EPPK1: variants seen among roughly 807,000 people sequenced by gnomAD.
The protein encoded by EPPK1 is epiplakin.
For missense variants in EPPK1, 3,823 were observed against 3,673.3 expected (o/e 1.04, Z -1.05); for synonymous variants, 1,862 against 1,721.2 (o/e 1.08, Z -2.03).
Position 143,872,967 on chromosome 8 carries a change from G to C in EPPK1, c.287C>G (p.Ser96Cys). 6.2e-7 allele frequency: 1 copy of C among 1,600,676 alleles called. No homozygotes were observed. The highest frequency in any genetic ancestry group is 1.1e-5 in the South Asian group (1 of 90,214). Residue 96 changes from serine to cysteine, a missense_variant, in exon 2 of 2, where the codon TCC becomes TGC. Physicochemically the swap from Ser to Cys is moderately radical, Grantham distance 112 (BLOSUM62 -1). Transcript: ENST00000615648. Reference protein sequence around the residue: ...DLARGQLLPVSKALQQGLVGL... With the variant: ...DLARGQLLPVCKALQQGLVGL... The stretch of plus-strand genomic sequence containing the variant: ...CACCAGACCCTGCTGCAGGGCCTTG[G>C]ACACAGGGAGCAGCTGGCCCCGGGC...
At position 143,870,114 on chromosome 8, in the gene EPPK1, C is replaced by T; in HGVS notation, c.3140G>A (p.Gly1047Glu). 1 of 1,611,112 alleles carries T rather than the reference C, an allele frequency of 6.2e-7. No individual in the cohort carries two copies. The highest frequency in any genetic ancestry group is 8.5e-7 in the Non-Finnish European group (1 of 1,179,172). The change falls in exon 2 of 2, where the codon GGA becomes GAA. Residue 1047 changes from glycine (G) to glutamate (E), a missense_variant. By Grantham distance (98) the Gly-to-Glu change is moderately conservative. Coordinates refer to ENST00000615648, the MANE Select transcript of EPPK1 (RefSeq NM_031308.4). This position sits in a 1 kb window ranked among gnomAD's most constrained non-coding sequence, Gnocchi z 5.2. ...GTGGCTGGTGGGGTCAATGATCCCT[C>T]CTGTGGCCACTTGAGCCTCCAGGAG... is the stretch of plus-strand genomic sequence containing the variant. ...ARLLEAQVAT[G>E]GIIDPTSHHH...
rs1037437050 is a variant in EPPK1 at position 143,868,348 on chromosome 8, T to C, written c.4906A>G (p.Lys1636Glu). Residue 1636 changes from lysine to glutamate, a missense_variant, in exon 2 of 2, where the codon AAA (lysine) becomes GAA (glutamate). Transcript: ENST00000615648. ...EEAFKAGMFG[K>E]ETYVKLLSAE... ...GACAGCAGCTTCACGTAGGTTTCTT[T>C]CCCGAACATTCCTGCTTTGAACGCC... 3 of 1,612,856 alleles carry C rather than the reference T, an allele frequency of 1.9e-6. No individual in the cohort carries two copies. The African/African-American group carries it at 4.0e-5, about 22-fold the overall frequency.
chr8:143,878,357 C>CCCGCACCCGCACCCG (rs1563891931), intron 1 of EPPK1, 81 bp downstream of exon 1: 53 of 140,180 alleles, frequency 3.8e-4, no homozygotes, highest in African/African-American at 1.3e-3. Flanking sequence ...CGAGCCCGCA[C>CCCGCACCCGCACCCG]CCGCACCCGC....
chr8:143,873,156 C>T lies in EPPK1; in HGVS notation c.98G>A (p.Gly33Asp). 2 of 1,590,628 alleles carry T rather than the reference C, an allele frequency of 1.3e-6. No individual in the cohort carries two copies. Residue 33 changes from glycine to aspartate, a missense_variant, in exon 2 of 2, where the codon GGC (glycine) becomes GAC (aspartate). Coordinates refer to ENST00000615648, the MANE Select transcript of EPPK1 (RefSeq NM_031308.4). ...CCTGGCCTGGGGCCTGGGGGGCGTG[C>T]CGGCTCCCAGCGTGGCTGCCATGGC... ...PRAMAATLGA[G>D]TPPRPQARSI...
chr8:143,868,241 G>A lies in EPPK1; in HGVS notation c.5013C>T (p.Leu1671=). The change falls in exon 2 of 2, where the codon CTC becomes CTT. Residue 1671 remains leucine, a synonymous_variant. Coordinates refer to ENST00000615648, the MANE Select transcript of EPPK1 (RefSeq NM_031308.4). ...GGCGGATGCCGTGCTCCCGGACGAT[G>A]AGGTCCTTCTGCATGGCCTGGAAGA... ...ISLFQAMQKD[L]IVREHGIRLL... 1 of 1,613,218 alleles carries A rather than the reference G, an allele frequency of 6.2e-7. No individual in the cohort carries two copies. Among genetic ancestry groups the A allele is most frequent in the Non-Finnish European group, 8.5e-7 (1 of 1,180,042 alleles).
In EPPK1 at chr8:143,869,058, T is replaced by C. The variant is rs369246739; in HGVS notation, c.4196A>G (p.Asp1399Gly). 12 of 1,609,036 alleles carry C rather than the reference T, an allele frequency of 7.5e-6. No homozygotes were observed. The highest frequency in any genetic ancestry group is 1.3e-5 in the African/African-American group (1 of 74,942). The change falls in exon 2 of 2, where the codon GAC becomes GGC. Residue 1399 changes from aspartate to glycine, a missense_variant. Physicochemically the swap from Asp to Gly is moderately conservative, Grantham distance 94. Transcript: ENST00000615648. ...TSQVLTAVDK[D>G]NKFFFDPSAR... The stretch of plus-strand genomic sequence containing the variant: ...ACTGGGGTCAAAGAAGAACTTGTTG[T>C]CCTTGTCAACTGCAGTCAGCACCTG...
Position 143,870,504 on chromosome 8 carries a change from A to G in EPPK1, c.2750T>C (p.Leu917Pro). 6.2e-7 allele frequency: 1 copy of G among 1,607,278 alleles called. No homozygotes were observed. Among genetic ancestry groups the G allele is most frequent in the Non-Finnish European group, 8.5e-7 (1 of 1,176,780 alleles). The change falls in exon 2 of 2, where the codon CTA (leucine) becomes CCA (proline). Residue 917 changes from leucine (L) to proline (P), a missense_variant. Transcript: ENST00000615648. This position sits in a 1 kb window ranked among gnomAD's most constrained non-coding sequence, Gnocchi z 5.2. Reference protein sequence around the residue: ...LAGTISPEALLLMDGVRRYLC... With the variant: ...LAGTISPEALPLMDGVRRYLC... Reference sequence around the variant, plus strand: ...GTACCTGCGGACGCCGTCCATGAGTAGGAGGGCCTCCGGGCTGATTGTCCC... The same window carrying G: ...GTACCTGCGGACGCCGTCCATGAGTGGGAGGGCCTCCGGGCTGATTGTCCC...
Position 143,872,174 on chromosome 8 carries a change from C to T in EPPK1, c.1080G>A (p.Glu360=), listed in dbSNP as rs782229076. Residue 360 remains glutamate (E), a synonymous_variant, in exon 2 of 2, where the codon GAG becomes GAA. Transcript: ENST00000615648. ...PELHEQLLVA[E]QAVTGHHDPF... Reference sequence around the variant, plus strand: ...GGTCGTGGTGCCCTGTCACGGCCTGCTCGGCCACCAGGAGCTGCTCATGGA... The same window carrying T: ...GGTCGTGGTGCCCTGTCACGGCCTGTTCGGCCACCAGGAGCTGCTCATGGA... 1 of 1,591,944 alleles carries T rather than the reference C, an allele frequency of 6.3e-7. No individual in the cohort carries two copies. The highest frequency in any genetic ancestry group is 2.2e-5 in the East Asian group (1 of 44,584).
chr8:143,870,513 T>G lies in EPPK1; in HGVS notation c.2741A>C (p.Glu914Ala). The change falls in exon 2 of 2, where the codon GAG (glutamate) becomes GCG (alanine). Residue 914 changes from glutamate to alanine, a missense_variant. By Grantham distance (107) the Glu-to-Ala change is moderately radical (BLOSUM62 -1). Coordinates refer to ENST00000615648, the MANE Select transcript of EPPK1 (RefSeq NM_031308.4). This position sits in a 1 kb window ranked among gnomAD's most constrained non-coding sequence, Gnocchi z 5.2. ...GACGCCGTCCATGAGTAGGAGGGCC[T>G]CCGGGCTGATTGTCCCGGCCAGCAC... ...DQVLAGTISP[E>A]ALLLMDGVRR... is the part of the protein sequence containing the mutation. 6.2e-7 allele frequency: 1 copy of G among 1,608,772 alleles called. No individual in the cohort carries two copies. The highest frequency in any genetic ancestry group is 8.5e-7 in the Non-Finnish European group (1 of 1,177,692).
rs782501903 is a variant in EPPK1, at chr8:143,870,785, A to G, written c.2469T>C (p.Tyr823=). Reference sequence around the variant, plus strand: ...AGACCCTCTGCCCCTGAAACCGTCCATACTTCACGGAGAGCAGCAGGTTCT... The same window carrying G: ...AGACCCTCTGCCCCTGAAACCGTCCGTACTTCACGGAGAGCAGCAGGTTCT... The part of the protein sequence containing the change: ...AFQNLLLSVK[Y]GRFQGQRVSA... Residue 823 remains tyrosine, a synonymous_variant, in exon 2 of 2, where the codon TAT becomes TAC. Transcript: ENST00000615648. The surrounding 1 kb of genome is among the most constrained non-coding windows in gnomAD (Gnocchi z 5.2). 3.1e-6 allele frequency: 5 copies of G among 1,612,680 alleles called. No individual in the cohort carries two copies. The highest frequency in any genetic ancestry group is 4.2e-6 in the Non-Finnish European group (5 of 1,179,850).
intron 1 of EPPK1, among the ~76,000 whole-genome samples, chr8:143,875,193 G>T (rs182319508): frequency 6.6e-6 from 1 of 152,232 alleles, no homozygotes; most frequent in East Asian, 1.9e-4. Context: ...ACCCTAGAAG[G>T]CACTGGGTCC....
rs781916505 is a variant in EPPK1 at position 143,871,469 on chromosome 8, A to G, written c.1785T>C (p.Asp595=). Residue 595 remains aspartate (D), a synonymous_variant, in exon 2 of 2, where the codon GAT becomes GAC. Transcript: ENST00000615648. ...RLEHGQATAK[D]VGSLASVQRY... ...TCTGCACCGAGGCCAGGCTGCCCAC[A>G]TCCTTGGCTGTGGCCTGTCCATGCT... 30 of 1,608,646 alleles carry G rather than the reference A, an allele frequency of 1.9e-5. No individual in the cohort carries two copies. Among genetic ancestry groups the G allele is most frequent in the Non-Finnish European group, 2.5e-5 (29 of 1,178,546 alleles).
rs554910033 is a variant in EPPK1 at position 143,867,083 on chromosome 8, C to T, written c.6171G>A (p.Pro2057=). 61 of 1,612,958 alleles carry T rather than the reference C, an allele frequency of 3.8e-5. No homozygotes were observed. Among genetic ancestry groups the T allele is most frequent in the African/African-American group, 8.0e-5 (6 of 75,022 alleles). Reference sequence around the variant, plus strand: ...GGTACGAGACCTTCTCTTGCGTGTTCGGGTCCACAAACCGTTTCCTCATGT... The same window carrying T: ...GGTACGAGACCTTCTCTTGCGTGTTTGGGTCCACAAACCGTTTCCTCATGT... The part of the protein sequence containing the change: ...QKHMRKRFVD[P]NTQEKVSYRE... The change falls in exon 2 of 2, where the codon CCG becomes CCA. Residue 2057 remains proline (P), a synonymous_variant. Transcript: ENST00000615648.
chr8:143,874,148 G>A (rs909728740), intron 1 of EPPK1, among the ~76,000 whole-genome samples: 2 of 152,096 alleles, frequency 1.3e-5, no homozygotes, highest in Non-Finnish European at 2.9e-5. Context: ...CTGGTCCTCC[G>A]GCTGCAGCCC....
chr8:143,868,755 T>TGCCGCAGG lies in EPPK1; in HGVS notation c.4491_4498dup (p.Gln1500ProfsTer42), dbSNP rs1289204656. Reference sequence around the variant, plus strand: ...CAGGGTGGTGACTGCGCTGACCACCTGCCGCAGGGCCGCAGCCCTCCCAGA... The same window carrying TGCCGCAGG: ...CAGGGTGGTGACTGCGCTGACCACCTGCCGCAGGGCCGCAGGGCCGCAGCCCTCCCAGA... On this transcript the variant is annotated frameshift_variant, in exon 2 of 2. Coordinates refer to ENST00000615648, the MANE Select transcript of EPPK1 (RefSeq NM_031308.4). LOFTEE classifies it low-confidence loss of function (END_TRUNC). 5.0e-6 allele frequency: 8 copies of TGCCGCAGG among 1,588,066 alleles called. No individual in the cohort carries two copies. In the East Asian group the frequency reaches 1.8e-4, roughly 36 times the overall value.
At chr8:143,878,634 G>C (rs1249652458), upstream of EPPK1, among the ~76,000 whole-genome samples, 1 of 151,738 alleles carries the variant, frequency 6.6e-6, no homozygotes, top group East Asian at 1.9e-4. Context: ...GCGGCGGCTG[G>C]GCAGCCGGGA....
chr8:143,878,422 G>GC lies in EPPK1; in HGVS notation c.-46+15dup, dbSNP rs1422862150. On this transcript the variant is annotated intron_variant, in intron 1 of 1. Coordinates refer to ENST00000615648, the MANE Select transcript of EPPK1 (RefSeq NM_031308.4). ...CGCACCCGCCGCACCCGCCGCACCC[G>GC]CCGCACCCGCCGCACCTGCCCGCTC... The GC allele has an allele frequency of 7.3e-5, 7 of 95,322 alleles. No individual in the cohort carries two copies. Among genetic ancestry groups the GC allele is most frequent in the Non-Finnish European group, 8.8e-5 (4 of 45,216 alleles). 5.9% of individuals were successfully genotyped at this position (95,322 alleles called of 1,614,324 possible).
chr8:143,866,936 C>A lies in EPPK1; in HGVS notation c.6318G>T (p.Glu2106Asp), dbSNP rs782003100. The change falls in exon 2 of 2, where the codon GAG becomes GAT. Residue 2106 changes from glutamate (E) to aspartate (D), a missense_variant. Transcript: ENST00000615648. Reference sequence around the variant, plus strand: ...ACCTTCCCACTGTGATTTCCACTTGCTCTGCCTCCAGGGCCCTTCTCGTCT... The same window carrying A: ...ACCTTCCCACTGTGATTTCCACTTGATCTGCCTCCAGGGCCCTTCTCGTCT... ...DDETRRALEA[E>D]QVEITVGRFR... is the part of the protein sequence containing the mutation. 1.2e-6 allele frequency: 2 copies of A among 1,612,968 alleles called. No homozygotes were observed. Among genetic ancestry groups the A allele is most frequent in the Non-Finnish European group, 1.7e-6 (2 of 1,179,878 alleles).
chr8:143,868,033 G>C lies in EPPK1; in HGVS notation c.5221C>G (p.Gln1741Glu). 1 of 1,613,710 alleles carries C rather than the reference G, an allele frequency of 6.2e-7. No homozygotes were observed. Among genetic ancestry groups the C allele is most frequent in the Non-Finnish European group, 8.5e-7 (1 of 1,180,032 alleles). ...PNTHENLTYLQLLERCVEDPE... is the reference protein window; with the variant it reads ...PNTHENLTYLELLERCVEDPE... ...TCCTCCACACAGCGCTCCAGAAGCT[G>C]CAGGTACGTGAGGTTCTCGTGCGTG... The change falls in exon 2 of 2, where the codon CAG becomes GAG. Residue 1741 changes from glutamine to glutamate, a missense_variant. Coordinates refer to ENST00000615648, the MANE Select transcript of EPPK1 (RefSeq NM_031308.4).
Sources: allele counts gnomAD v4.1 joint callset (sites outside exome capture counted in the v4.1 genomes callset), GRCh38; gene constraint gnomAD v4.1.1; non-coding constraint Gnocchi (gnomAD v3.1); transcripts MANE v1.5; gene names NCBI Gene and HGNC (gene_info 2026-07-23, HGNC 2026-07-21).